SBF2: variants seen among roughly 807,000 people sequenced by gnomAD.
SBF2 encodes the protein SET binding factor 2, also known as myotubularin-related protein 13.
A neutral mutation model predicts 225.2 loss-of-function variants in SBF2; 112 were observed. The ratio of observed to expected loss-of-function variants is 0.50; its 90% CI spans 0.43 to 0.58. The LOEUF is 0.58. Among genes scored for constraint, SBF2 ranks in the 20% least tolerant of loss-of-function variants. The pLI, the probability that SBF2 is intolerant of heterozygous loss-of-function variation, is 0.00. For missense variants in SBF2, 1,996 were observed against 2,206.2 expected, an observed-to-expected ratio of 0.90 and a Z score of 1.91; for synonymous variants, 763 against 773.3, an observed-to-expected ratio of 0.99 and a Z score of 0.22.
intron 1 of SBF2, among the ~76,000 whole-genome samples, chr11:10,299,684 A>C (rs953599424): frequency 2.0e-5 from 3 of 151,282 alleles, no homozygotes; most frequent in African/African-American, 4.9e-5. Context: ...GAAGCTGGTG[A>C]ACTTTAGGAT....
chr11:9,962,706 T>C (rs1034792562), intron 15 of SBF2, among the ~76,000 whole-genome samples: 1 of 152,208 alleles, frequency 6.6e-6, no homozygotes, highest in African/African-American at 2.4e-5. Flanking sequence ...TCCATAAAGA[T>C]GCCTCCTTCA....
chr11:10,294,650 T>A (rs1470013498), upstream of SBF2, among the ~76,000 whole-genome samples: 1 of 152,220 alleles, frequency 6.6e-6, no homozygotes, highest in Non-Finnish European at 1.5e-5. Flanking sequence ...GTTTCCTGTT[T>A]ATGTTGTGTA....
chr11:10,253,539 A>C (rs1032247855), intron 1 of SBF2, among the ~76,000 whole-genome samples: 2 of 152,204 alleles, frequency 1.3e-5, no homozygotes, highest in African/African-American at 4.8e-5. Flanking sequence ...TATGGCAAAG[A>C]ATCTCTAAAT....
intron 16 of SBF2, among the ~76,000 whole-genome samples, chr11:9,898,027 T>C (rs1452055931): frequency 6.6e-6 from 1 of 151,584 alleles, no homozygotes; most frequent in Non-Finnish European, 1.5e-5. Context: ...GCTGCCTAAG[T>C]GCACTAGTGC....
chr11:9,966,148 C>A (rs945743338), intron 14 of SBF2, among the ~76,000 whole-genome samples: 1 of 151,740 alleles, frequency 6.6e-6, no homozygotes. Flanking sequence ...TACAGTGGTG[C>A]GATCTTGGCT....
At chr11:10,221,111 C>T (rs1291676687) in intron 1 of SBF2, among the ~76,000 whole-genome samples, 3 of 150,378 alleles carry the variant, frequency 2.0e-5, no homozygotes, top group Admixed American at 6.6e-5. Flanking sequence ...CCCTACTAGA[C>T]TGTTACTTCC....
chr11:10,123,347 C>T lies in SBF2; in HGVS notation c.141+70555G>A, dbSNP rs547292391. On this transcript the variant is annotated intron_variant, in intron 2 of 39. Transcript: ENST00000256190. ...CTCTAAGTAGTTTATTTATGACAGA[C>T]ACTTTGAGGTACTGTATACTCTAAT... Among the ~76,000 whole-genome samples, 40 of 152,216 alleles carry T rather than the reference C, an allele frequency of 2.6e-4. No individual in the cohort carries two copies. The South Asian group carries it at 6.8e-3, about 26-fold the overall frequency.
chr11:10,044,096 A>G (rs1199300081), intron 2 of SBF2, among the ~76,000 whole-genome samples: 1 of 152,208 alleles, frequency 6.6e-6, no homozygotes, highest in Non-Finnish European at 1.5e-5. Flanking sequence ...AGAAAAGAAG[A>G]GCAAATTACA....
rs147923485 is a variant in SBF2 at position 10,039,307 on chromosome 11, A to G, written c.279+3537T>C. Among the ~76,000 whole-genome samples the G allele has an allele frequency of 7.5e-4, 114 of 152,118 alleles. 1 individual carries two copies. The East Asian group carries it at 0.021, about 28-fold the overall frequency. On this transcript the variant is annotated intron_variant, in intron 3 of 39. Transcript: ENST00000256190. The stretch of plus-strand genomic sequence containing the variant: ...ACATAAACAGTTCATGCCAAAAATG[A>G]AAACAACTTTACTGATGACAAGAAA...
intron 2 of SBF2, among the ~76,000 whole-genome samples, chr11:10,175,499 C>A (rs1956421938): frequency 1.3e-5 from 2 of 151,456 alleles, no homozygotes; most frequent in Non-Finnish European, 2.9e-5. Flanking sequence ...CAGGAGCACC[C>A]AGATTCATAA....
intron 32 of SBF2, among the ~76,000 whole-genome samples, chr11:9,802,047 A>G (rs764779935): frequency 3.2e-4 from 48 of 152,270 alleles, no homozygotes; most frequent in Non-Finnish European, 6.3e-4. Context: ...ACAGTAAAAA[A>G]TACTGAAAAA....
chr11:10,137,300 C>A (rs1954418872), intron 2 of SBF2, among the ~76,000 whole-genome samples: 1 of 152,134 alleles, frequency 6.6e-6, no homozygotes, highest in Non-Finnish European at 1.5e-5. Context: ...TTTTTGTGTA[C>A]TCTTTGGAAT....
intron 32 of SBF2, among the ~76,000 whole-genome samples, chr11:9,800,951 C>A (rs775313764): frequency 6.6e-6 from 1 of 151,994 alleles, no homozygotes; most frequent in Non-Finnish European, 1.5e-5. Flanking sequence ...AGAGGTTTAT[C>A]AATTTTATTG....
At chr11:10,001,134 T>C (rs1947938795) in intron 7 of SBF2, 112 bp from the exon 8 acceptor site, 1 of 664,686 alleles carries the variant, frequency 1.5e-6, no homozygotes, top group Non-Finnish European at 2.7e-6. Context: ...AAATTATCAA[T>C]AATGTTTTCA....
rs1330009517 is a variant in SBF2, at chr11:10,116,402, A to C, written c.142-73421T>G. ...AATTAAATACAGTGGAAAACATGAA[A>C]TCTTTAAGAACTGGTTGCTGAATTA... On this transcript the variant is annotated intron_variant, in intron 2 of 39. Coordinates refer to ENST00000256190, the MANE Select transcript of SBF2 (RefSeq NM_030962.4). Among the ~76,000 whole-genome samples the C allele has an allele frequency of 2.0e-5, 3 of 151,140 alleles. No homozygotes were observed. In the East Asian group the frequency reaches 5.8e-4, roughly 29 times the overall value.
In SBF2 at chr11:10,152,410, G is replaced by A. The variant is rs899454873; in HGVS notation, c.141+41492C>T. On this transcript the variant is annotated intron_variant, in intron 2 of 39. Transcript: ENST00000256190. Reference sequence around the variant, plus strand: ...ACTAAAAATACAAAATTAGCCGGGCGTGGTGGTGCATGCCTGTAATCCCAG... The same window carrying A: ...ACTAAAAATACAAAATTAGCCGGGCATGGTGGTGCATGCCTGTAATCCCAG... Among the ~76,000 whole-genome samples, 5 of 151,962 alleles carry A rather than the reference G, an allele frequency of 3.3e-5. No homozygotes were observed. In the East Asian group the frequency reaches 5.8e-4, roughly 18 times the overall value.
rs144802571 is a variant in SBF2, at chr11:10,011,784, G to C, written c.620-9095C>G. Reference sequence around the variant, plus strand: ...TTATTTTCTCTTGCTGTTCTCAAGGGTTTGCCTTTCACCAGTTTCACAATC... The same window carrying C: ...TTATTTTCTCTTGCTGTTCTCAAGGCTTTGCCTTTCACCAGTTTCACAATC... On this transcript the variant is annotated intron_variant, in intron 6 of 39. Coordinates refer to ENST00000256190, the MANE Select transcript of SBF2 (RefSeq NM_030962.4). Among the ~76,000 whole-genome samples the C allele has an allele frequency of 2.6e-3, 399 of 152,230 alleles. 9 individuals carry two copies. Among genetic ancestry groups the C allele is most frequent in the Admixed American group, 0.025 (378 of 15,294 alleles).
At chr11:9,874,648 G>A (rs964281760) in intron 17 of SBF2, among the ~76,000 whole-genome samples, 1 of 152,252 alleles carries the variant, frequency 6.6e-6, no homozygotes, top group Admixed American at 6.5e-5. Flanking sequence ...TTGATGCTGT[G>A]GTCTTCTGAG....
chr11:9,925,852 G>A (rs975880999), intron 16 of SBF2, among the ~76,000 whole-genome samples: 3 of 152,116 alleles, frequency 2.0e-5, no homozygotes, highest in African/African-American at 4.8e-5. Context: ...TTAGAATACT[G>A]TTTAGAAAAT....
Sources: allele counts gnomAD v4.1 joint callset (sites outside exome capture counted in the v4.1 genomes callset), GRCh38; gene constraint gnomAD v4.1.1; transcripts MANE v1.5; gene names NCBI Gene and HGNC (gene_info 2026-07-23, HGNC 2026-07-21).